ANKRD36C: variants seen among roughly 807,000 people sequenced by gnomAD.
ANKRD36C encodes the protein ankyrin repeat domain 36C, also known as ankyrin repeat domain-containing protein 36C.
Under a neutral mutation model 276.4 loss-of-function variants are expected in ANKRD36C, and 61 were observed. The observed-to-expected ratio is 0.22, with a 90% CI of 0.18 to 0.27. ANKRD36C has a LOEUF of 0.27. ANKRD36C is among the 10% of genes least tolerant of loss of function. The probability of loss-of-function intolerance (pLI) is 1.00; values close to 1 mark genes in which losing one functional copy is unlikely to be tolerated. For missense variants in ANKRD36C, 1,447 were observed against 2,032.3 expected (o/e 0.71, Z 5.54); for synonymous variants, 483 against 680.1 (o/e 0.71, Z 4.51).
At chr2:95,936,939 G>A (rs1338753086) in intron 22 of ANKRD36C, among the ~76,000 whole-genome samples, 1 of 152,306 alleles carries the variant, frequency 6.6e-6, no homozygotes, top group Non-Finnish European at 1.5e-5. Flanking sequence ...CAGTTTCATA[G>A]TTTCTATTCA....
exon 63 of ANKRD36C, chr2:95,855,744 A>C: frequency 6.2e-7 from 1 of 1,613,790 alleles, no homozygotes; most frequent in Non-Finnish European, 8.5e-7. Context: ...ATGAGAATTC[A>C]AATTTTCCTG....
intron 14 of ANKRD36C, among the ~76,000 whole-genome samples, chr2:95,953,118 T>A (rs1678242164): frequency 6.6e-6 from 1 of 152,154 alleles, no homozygotes; most frequent in Admixed American, 6.6e-5. Context: ...ACAAAATGCA[T>A]ATTTTTCAAT....
At chr2:95,991,629 G>T in exon 1 of ANKRD36C, 3 of 1,614,060 alleles carry the variant, frequency 1.9e-6, no homozygotes, top group Admixed American at 3.3e-5. Context: ...CGGTTTAATG[G>T]GGTATTGGGG....
chr2:95,959,437 T>A (rs997777947), intron 10 of ANKRD36C, among the ~76,000 whole-genome samples: 2 of 152,248 alleles, frequency 1.3e-5, no homozygotes, highest in Non-Finnish European at 2.9e-5. Context: ...AGTTTATTCA[T>A]CCACTCATGG....
At chr2:95,915,568 G>A (rs899922848) in intron 38 of ANKRD36C, among the ~76,000 whole-genome samples, 5 of 151,462 alleles carry the variant, frequency 3.3e-5, no homozygotes, top group African/African-American at 9.7e-5. Context: ...GGTCTCCTCA[G>A]TTCTCCTTCT....
At chr2:95,923,397 T>C (rs796614007) in intron 32 of ANKRD36C, 98 bp downstream of exon 32, 13 of 1,446,580 alleles carry the variant, frequency 9.0e-6, no homozygotes, top group African/African-American at 7.1e-5. Flanking sequence ...TGAATCAGAA[T>C]GTGCAGCTTT....
chr2:95,850,818 C>A (rs1675276689), downstream of ANKRD36C, among the ~76,000 whole-genome samples: 1 of 152,164 alleles, frequency 6.6e-6, no homozygotes, highest in Admixed American at 6.5e-5. Context: ...AAATCACTAC[C>A]TTAACCTTGA....
chr2:95,917,748 G>A, intron 36 of ANKRD36C, 107 bp downstream of exon 38: 1 of 1,362,062 alleles, frequency 7.3e-7, no homozygotes, highest in African/African-American at 1.5e-5. Context: ...ATCAGAATGT[G>A]CAGCTTTGGC....
At chr2:95,937,892 T>C (rs1205050639) in intron 22 of ANKRD36C, among the ~76,000 whole-genome samples, 1 of 152,310 alleles carries the variant, frequency 6.6e-6, no homozygotes, top group East Asian at 1.9e-4. Context: ...TGGTATGTCA[T>C]CATATTTATG....
chr2:95,970,593 C>A (rs984568468), intron 6 of ANKRD36C, among the ~76,000 whole-genome samples: 1 of 152,170 alleles, frequency 6.6e-6, no homozygotes, highest in African/African-American at 2.4e-5. Context: ...AAATCTTTGT[C>A]ACTTTATGTA....
chr2:95,918,800 G>T (rs999707094), intron 34 of ANKRD36C, among the ~76,000 whole-genome samples: 6 of 150,954 alleles, frequency 4.0e-5, no homozygotes, highest in Non-Finnish European at 7.4e-5. Flanking sequence ...TAGATATTGA[G>T]CAGTTTTTCA....
chr2:95,914,122 T>C, exon 40 of ANKRD36C: 1 of 1,572,774 alleles, frequency 6.4e-7, no homozygotes, highest in Non-Finnish European at 8.6e-7. Flanking sequence ...CCTAGTTTTT[T>C]CTCCATCCTC....
chr2:95,915,863 A>G, intron 38 of ANKRD36C, 117 bp downstream of exon 40: 1 of 1,357,502 alleles, frequency 7.4e-7, no homozygotes. Context: ...GAAATGAAGA[A>G]TCTCAGGCCT....
At chr2:95,913,574 T>C (rs1676998217) in intron 40 of ANKRD36C, among the ~76,000 whole-genome samples, 1 of 151,430 alleles carries the variant, frequency 6.6e-6, no homozygotes, top group Non-Finnish European at 1.5e-5. Context: ...GCATCTGAAG[T>C]GAGTTCACTC....
At chr2:95,949,538 T>A (rs1678141294) in intron 16 of ANKRD36C, among the ~76,000 whole-genome samples, 2 of 152,234 alleles carry the variant, frequency 1.3e-5, no homozygotes, top group Non-Finnish European at 2.9e-5. Context: ...CTTATCCACT[T>A]TCATTGGGTT....
In ANKRD36C at chr2:95,859,007, T is replaced by A. The variant is rs1041472500; in HGVS notation, c.3896+854A>T. Among the ~76,000 whole-genome samples, 36 of 152,206 alleles carry A rather than the reference T, an allele frequency of 2.4e-4. 1 individual carries two copies. Among genetic ancestry groups the A allele is most frequent in the Non-Finnish European group, 4.4e-5 (3 of 68,038 alleles). On this transcript the variant is annotated intron_variant, in intron 61 of 66. Transcript: ENST00000456556. ...AGTAATCACTTTCCATTTTACTTTT[T>A]ATTCCCTACATATTAAGAATAAAAC...
chr2:95,891,651 C>T lies in ANKRD36C; in HGVS notation c.2857+14G>A. ...CTGCACTGAACATGACATTAAATCT[C>T]TTTTCAAAATTACCTCTCCTAGTTT... On this transcript the variant is annotated intron_variant, in intron 46 of 66. Coordinates refer to ENST00000456556, the Ensembl canonical transcript of ANKRD36C. 6 of 1,549,208 alleles carry T rather than the reference C, an allele frequency of 3.9e-6. No individual in the cohort carries two copies. The highest frequency in any genetic ancestry group is 5.2e-6 in the Non-Finnish European group (6 of 1,146,054).
intron 34 of ANKRD36C, among the ~76,000 whole-genome samples, chr2:95,918,511 G>A (rs2104416523): frequency 1.3e-5 from 2 of 151,746 alleles, no homozygotes; most frequent in Admixed American, 1.3e-4. Flanking sequence ...CAGTTACCAT[G>A]ACACTTCAGT....
chr2:95,920,904 C>A lies in ANKRD36C; in HGVS notation c.2245+703G>T, dbSNP rs546542468. Reference sequence around the variant, plus strand: ...AGTTTATCTCATTTTTATAAGTCAACAAAACATGTATCTCTGATGCCTAAT... The same window carrying A: ...AGTTTATCTCATTTTTATAAGTCAAAAAAACATGTATCTCTGATGCCTAAT... On this transcript the variant is annotated intron_variant, in intron 34 of 66. Transcript: ENST00000456556. Among the ~76,000 whole-genome samples the A allele has an allele frequency of 1.8e-4, 26 of 148,466 alleles. No individual in the cohort carries two copies. The East Asian group carries it at 4.9e-3, about 28-fold the overall frequency.
Sources: gnomAD v4.1 joint callset for allele counts (sites outside exome capture counted in the v4.1 genomes callset) on GRCh38, gnomAD v4.1.1 for gene constraint, MANE v1.5 for transcripts, NCBI Gene and HGNC (gene_info 2026-07-23, HGNC 2026-07-21) for gene names.